ITGA9: variants seen among roughly 807,000 people sequenced by gnomAD.
The protein encoded by ITGA9 is integrin alpha-9.
In ITGA9, 56 loss-of-function variants were observed where a neutral mutation model predicts 127.8. The observed-to-expected ratio is 0.44, with a 90% confidence interval of 0.35 to 0.55. The LOEUF (loss-of-function observed/expected upper bound fraction) is 0.55. ITGA9 is among the 20% of genes least tolerant of loss of function. The pLI is 0.00. For synonymous variants in ITGA9, 508 were observed against 514.5 expected (o/e 0.99, Z 0.17); for missense variants, 1,196 against 1,347.1 (o/e 0.89, Z 1.76).
intron 15 of ITGA9, among the ~76,000 whole-genome samples, chr3:37,609,690 A>G (rs992219870): frequency 2.0e-5 from 3 of 152,218 alleles, no homozygotes; most frequent in Non-Finnish European, 2.9e-5. Context: ...GACAGGGCAC[A>G]TTGGGGATGG....
chr3:37,676,474 G>A (rs2125659115), intron 17 of ITGA9, among the ~76,000 whole-genome samples: 1 of 152,318 alleles, frequency 6.6e-6, no homozygotes, highest in Admixed American at 6.5e-5. Flanking sequence ...GAGGGTTGCT[G>A]CAGAGCATGT....
chr3:37,481,749 G>A (rs1698558261), intron 4 of ITGA9, 142 bp downstream of exon 4: 1 of 1,177,516 alleles, frequency 8.5e-7, no homozygotes, highest in African/African-American at 1.5e-5. Context: ...CTCCCAGATG[G>A]TCTCTTGGTC....
chr3:37,635,837 G>A (rs1257034642), intron 16 of ITGA9, among the ~76,000 whole-genome samples: 1 of 139,030 alleles, frequency 7.2e-6, no homozygotes, highest in Non-Finnish European at 1.5e-5. Flanking sequence ...GTGTCCATGT[G>A]TTCTCATTGT....
At chr3:37,579,985 A>G (rs1416954778) in intron 15 of ITGA9, among the ~76,000 whole-genome samples, 1 of 152,226 alleles carries the variant, frequency 6.6e-6, no homozygotes, top group Non-Finnish European at 1.5e-5. Context: ...GTTTTTAATG[A>G]TAAAGAATCT....
chr3:37,755,601 A>G (rs970203400), intron 23 of ITGA9, among the ~76,000 whole-genome samples: 13 of 152,388 alleles, frequency 8.5e-5, no homozygotes, highest in Non-Finnish European at 1.2e-4. Flanking sequence ...TGAAACTTCA[A>G]TATAAGCCAT....
intron 23 of ITGA9, among the ~76,000 whole-genome samples, chr3:37,774,415 C>T (rs1178489610): frequency 6.6e-6 from 1 of 151,922 alleles, no homozygotes; most frequent in Non-Finnish European, 1.5e-5. Flanking sequence ...GTAATTGAGG[C>T]TGGGTGCAGT....
intron 18 of ITGA9, among the ~76,000 whole-genome samples, chr3:37,729,596 A>G (rs1696261187): frequency 2.6e-5 from 4 of 152,212 alleles, no homozygotes; most frequent in Non-Finnish European, 5.9e-5. Flanking sequence ...GTCAAAGCTA[A>G]TTAAACTGAG....
intron 15 of ITGA9, among the ~76,000 whole-genome samples, chr3:37,575,120 C>T (rs1247667768): frequency 2.0e-5 from 3 of 152,014 alleles, no homozygotes; most frequent in East Asian, 1.9e-4. Flanking sequence ...GAAGTTTATA[C>T]GACCACAGAT....
At chr3:37,677,661 G>C (rs1700696038) in intron 17 of ITGA9, among the ~76,000 whole-genome samples, 1 of 152,218 alleles carries the variant, frequency 6.6e-6, no homozygotes, top group Admixed American at 6.5e-5. Flanking sequence ...GCACTGACTG[G>C]ACCAGGGGTT....
chr3:37,650,407 C>G (rs1296643366), intron 16 of ITGA9, among the ~76,000 whole-genome samples: 2 of 152,038 alleles, frequency 1.3e-5, no homozygotes, highest in African/African-American at 4.8e-5. Flanking sequence ...TTCTTTGTCT[C>G]CTTATTTCAC....
At chr3:37,740,939 T>C (rs1331898133) in intron 20 of ITGA9, among the ~76,000 whole-genome samples, 2 of 152,152 alleles carry the variant, frequency 1.3e-5, no homozygotes, top group Admixed American at 6.5e-5. Flanking sequence ...GCTTCCATGA[T>C]GTTTATAGTG....
At chr3:37,812,006 T>A (rs1298795164) in intron 27 of ITGA9, among the ~76,000 whole-genome samples, 1 of 152,230 alleles carries the variant, frequency 6.6e-6, no homozygotes, top group East Asian at 1.9e-4. Context: ...AGAGAATGTG[T>A]AAGGTTTGGC....
rs752146587 is a variant in ITGA9 at position 37,693,435 on chromosome 3, G to A, written c.2067+9420G>A. Among the ~76,000 whole-genome samples the A allele has an allele frequency of 3.9e-5, 6 of 152,124 alleles. No individual in the cohort carries two copies. In the East Asian group the frequency reaches 5.8e-4, roughly 15 times the overall value. ...CTAATTTTTTATGACAGAAGGCATCGAGGGCTTGTAAGTTTGTTTTTCTTA... is the reference window on the plus strand; with the variant it reads ...CTAATTTTTTATGACAGAAGGCATCAAGGGCTTGTAAGTTTGTTTTTCTTA... On this transcript the variant is annotated intron_variant, in intron 18 of 27. Transcript: ENST00000264741.
At chr3:37,506,453 A>G (rs1028032591) in intron 7 of ITGA9, among the ~76,000 whole-genome samples, 3 of 152,190 alleles carry the variant, frequency 2.0e-5, no homozygotes, top group African/African-American at 4.8e-5. Flanking sequence ...CTTTGATTTA[A>G]TGGAGCTAGG....
chr3:37,809,473 A>G (rs749931689), intron 27 of ITGA9, among the ~76,000 whole-genome samples: 71 of 152,156 alleles, frequency 4.7e-4, no homozygotes, highest in Non-Finnish European at 9.6e-4. Flanking sequence ...TCTCTCCCAT[A>G]GTGTCATAGA....
At chr3:37,618,550 A>G (rs990902718) in intron 15 of ITGA9, among the ~76,000 whole-genome samples, 1 of 151,994 alleles carries the variant, frequency 6.6e-6, no homozygotes, top group Non-Finnish European at 1.5e-5. Flanking sequence ...GCTATCCCCT[A>G]CCCCCAGAGG....
intron 3 of ITGA9, among the ~76,000 whole-genome samples, chr3:37,481,221 C>A (rs181176143): frequency 6.6e-6 from 1 of 152,308 alleles, no homozygotes; most frequent in Admixed American, 6.5e-5. Context: ...AACCTTGTTT[C>A]TTTCCTTCCC....
In ITGA9 at chr3:37,751,864, C is replaced by T. The variant is rs189531609; in HGVS notation, c.2541+1295C>T. Among the ~76,000 whole-genome samples the T allele has an allele frequency of 3.5e-4, 54 of 152,250 alleles. No homozygotes were observed. The East Asian group carries it at 9.7e-3, about 27-fold the overall frequency. ...TTCATAAAGTCTGTAACAGACTTGG[C>T]CCTAGGATGGCCAAGTCTCCATCTG... On this transcript the variant is annotated intron_variant, in intron 23 of 27. Transcript: ENST00000264741.
chr3:37,798,713 A>G (rs1445883520), intron 26 of ITGA9, among the ~76,000 whole-genome samples: 1 of 152,222 alleles, frequency 6.6e-6, no homozygotes, highest in Non-Finnish European at 1.5e-5. Flanking sequence ...GTTAGAATTT[A>G]TTGCCTTGTA....
Sources: gnomAD v4.1 joint callset for allele counts (sites outside exome capture counted in the v4.1 genomes callset) on GRCh38, gnomAD v4.1.1 for gene constraint, MANE v1.5 for transcripts, NCBI Gene and HGNC (gene_info 2026-07-23, HGNC 2026-07-21) for gene names.